Variants in ZFHX4 observed in about 807,000 individuals in gnomAD.
The protein encoded by ZFHX4 is zinc finger homeobox protein 4.
Under a neutral mutation model 267.6 loss-of-function variants are expected in ZFHX4, and 56 were observed. The observed-to-expected ratio is 0.21, with a 90% confidence interval of 0.17 to 0.26. ZFHX4 has a LOEUF of 0.26. Ranked by LOEUF, ZFHX4 falls within the 10% of genes least tolerant of loss-of-function variation. The probability of loss-of-function intolerance (pLI) is 1.00; values close to 1 mark genes in which losing one functional copy is unlikely to be tolerated. For synonymous variants in ZFHX4, 1,778 were observed against 1,665.6 expected, an observed-to-expected ratio of 1.07 and a Z score of -1.64; for missense variants, 4,332 against 4,420.0, an observed-to-expected ratio of 0.98 and a Z score of 0.56.
chr8:76,743,017 G>A (rs1809361555), intron 3 of ZFHX4, among the ~76,000 whole-genome samples: 1 of 152,146 alleles, frequency 6.6e-6, no homozygotes, highest in Admixed American at 6.5e-5. Flanking sequence ...ACTTGAGTAA[G>A]AATTATTCTT....
chr8:76,693,501 G>C (rs1807874568), intron 1 of ZFHX4: 1 of 151,728 alleles, frequency 6.6e-6, no homozygotes, highest in Admixed American at 6.6e-5. Context: ...TGAAGAAATT[G>C]AGTGTGTATG....
intron 3 of ZFHX4, among the ~76,000 whole-genome samples, chr8:76,735,875 A>G (rs903581403): frequency 2.6e-5 from 4 of 152,200 alleles, no homozygotes; most frequent in Middle Eastern, 3.4e-3. Flanking sequence ...GCAGACATGC[A>G]CTTATGCCTG....
Position 76,855,048 on chromosome 8 carries a change from G to T in ZFHX4, c.8127G>T (p.Leu2709Phe). The T allele has an allele frequency of 1.2e-6, 2 of 1,613,928 alleles. No individual in the cohort carries two copies. Among genetic ancestry groups the T allele is most frequent in the Non-Finnish European group, 1.7e-6 (2 of 1,179,876 alleles). The change falls in exon 10 of 11, where the codon TTG becomes TTT. Residue 2709 changes from leucine to phenylalanine, a missense_variant. By Grantham distance (22) the Leu-to-Phe change is conservative. This residue lies in a region of ZFHX4 where 1,648 missense variants were observed against 1,625.0 expected (regional missense o/e 1.01). Transcript: ENST00000651372. ...WNEGKQAGYS[L>F]PPSPLISTED... ...AAGGAAAGCAGGCAGGTTACAGCTTGCCACCAAGCCCTTTAATATCCACCG... is the reference window on the plus strand; with the variant it reads ...AAGGAAAGCAGGCAGGTTACAGCTTTCCACCAAGCCCTTTAATATCCACCG...
In ZFHX4 at chr8:76,850,360, C is replaced by T; in HGVS notation, c.3962C>T (p.Ser1321Leu). The T allele has an allele frequency of 6.2e-7, 1 of 1,607,274 alleles. No homozygotes were observed. Among genetic ancestry groups the T allele is most frequent in the Non-Finnish European group, 8.5e-7 (1 of 1,176,344 alleles). ...ACAGCTGAGGGGTCTGGGAAATATT[C>T]AGGTATGCCATCTTATCATCAAGAC... ...AVTAEGSGKY[S>L]GESPMDDKSM... The change falls in exon 9 of 11, where the codon TCA becomes TTA. Residue 1321 changes from serine to leucine, a missense_variant and splice_region_variant. Physicochemically the swap from Ser to Leu is moderately radical, Grantham distance 145. Coordinates refer to ENST00000651372, the MANE Select transcript of ZFHX4 (RefSeq NM_024721.5).
intron 6 of ZFHX4, among the ~76,000 whole-genome samples, chr8:76,847,985 T>G (rs1306826784): frequency 1.3e-5 from 2 of 152,180 alleles, no homozygotes; most frequent in Non-Finnish European, 2.9e-5. Flanking sequence ...TGCACCCAGT[T>G]GTCCAGTGAT....
At chr8:76,740,313 G>A (rs551020407) in intron 3 of ZFHX4, among the ~76,000 whole-genome samples, 1 of 151,740 alleles carries the variant, frequency 6.6e-6, no homozygotes, top group African/African-American at 2.4e-5. Flanking sequence ...GGAGAGAGAA[G>A]GGAAGAAAGG....
chr8:76,720,524 T>C (rs1182118244), intron 3 of ZFHX4, among the ~76,000 whole-genome samples: 2 of 152,202 alleles, frequency 1.3e-5, no homozygotes, highest in Non-Finnish European at 2.9e-5. Flanking sequence ...TCTTAGGGTA[T>C]ATACATAGCA....
chr8:76,682,102 A>T (rs1266709621), intron 1 of ZFHX4, among the ~76,000 whole-genome samples: 2 of 151,722 alleles, frequency 1.3e-5, no homozygotes, highest in African/African-American at 4.8e-5. Context: ...GGGCACTGCC[A>T]GGGGTCTCCG....
chr8:76,859,522 G>C (rs1301595601), intron 10 of ZFHX4, among the ~76,000 whole-genome samples: 2 of 151,966 alleles, frequency 1.3e-5, no homozygotes, highest in African/African-American at 4.8e-5. Flanking sequence ...TACACTCAAA[G>C]TGAATAAAAA....
intron 5 of ZFHX4, among the ~76,000 whole-genome samples, chr8:76,841,418 A>G (rs535826406): frequency 6.6e-6 from 1 of 152,284 alleles, no homozygotes; most frequent in Non-Finnish European, 1.5e-5. Flanking sequence ...CCTTTCAATC[A>G]CTATAGCATT....
chr8:76,708,171 G>A (rs1418060725), intron 3 of ZFHX4, 123 bp downstream of exon 3: 1 of 1,204,608 alleles, frequency 8.3e-7, no homozygotes, highest in Non-Finnish European at 1.2e-6. Flanking sequence ...AGGGCAGGGG[G>A]CACAGTTTCT....
chr8:76,820,014 T>C (rs763149009), intron 4 of ZFHX4, among the ~76,000 whole-genome samples: 1 of 152,188 alleles, frequency 6.6e-6, no homozygotes, highest in Admixed American at 6.5e-5. Context: ...ATTGGCCATA[T>C]AAAAGATGCA....
chr8:76,710,929 G>A (rs901637480), intron 3 of ZFHX4, among the ~76,000 whole-genome samples: 1 of 152,102 alleles, frequency 6.6e-6, no homozygotes. Flanking sequence ...TTTTACAGAT[G>A]TTGTTTTTAA....
At position 76,780,654 on chromosome 8, in the gene ZFHX4, T is replaced by C. The variant is rs141910664; in HGVS notation, c.3325+2215T>C. 2.7e-3 allele frequency among the ~76,000 whole-genome samples: 417 copies of C among 152,310 alleles called. 2 individuals carry two copies. Among genetic ancestry groups the C allele is most frequent in the African/African-American group, 9.5e-3 (396 of 41,586 alleles). On this transcript the variant is annotated intron_variant, in intron 4 of 10. Coordinates refer to ENST00000651372, the MANE Select transcript of ZFHX4 (RefSeq NM_024721.5). ...TAAAGACATGTAGAACTAAACATTG[T>C]AAAGGCACTGTAATGATTTTCAGAG...
At chr8:76,764,844 A>G (rs1398690162) in intron 3 of ZFHX4, among the ~76,000 whole-genome samples, 1 of 152,192 alleles carries the variant, frequency 6.6e-6, no homozygotes, top group African/African-American at 2.4e-5. Context: ...CTGTAGGTTA[A>G]GCAGTGCCTC....
chr8:76,702,525 C>A (rs1034934026), intron 1 of ZFHX4, among the ~76,000 whole-genome samples: 4 of 151,998 alleles, frequency 2.6e-5, no homozygotes, highest in African/African-American at 9.7e-5. Flanking sequence ...TATTAGTGAA[C>A]CCAATATTCT....
chr8:76,793,995 C>T (rs761742005), intron 4 of ZFHX4, among the ~76,000 whole-genome samples: 11 of 152,108 alleles, frequency 7.2e-5, no homozygotes, highest in African/African-American at 1.2e-4. Flanking sequence ...CCTTGATGCC[C>T]GCTGGCCCTT....
chr8:76,735,737 A>G (rs376269936), intron 3 of ZFHX4, among the ~76,000 whole-genome samples: 3 of 152,140 alleles, frequency 2.0e-5, no homozygotes, highest in East Asian at 1.9e-4. Context: ...ACAAGCTTTT[A>G]GTGTGCAATT....
intron 3 of ZFHX4, among the ~76,000 whole-genome samples, chr8:76,761,547 A>C (rs1268757416): frequency 6.6e-6 from 1 of 152,146 alleles, no homozygotes; most frequent in African/African-American, 2.4e-5. Flanking sequence ...ATTTATATAC[A>C]TTCTATGTGT....
Sources: allele counts gnomAD v4.1 joint callset (sites outside exome capture counted in the v4.1 genomes callset), GRCh38; gene constraint gnomAD v4.1.1; regional missense constraint gnomAD v4.1.1; transcripts MANE v1.5; gene names NCBI Gene and HGNC (gene_info 2026-07-23, HGNC 2026-07-21).